The following FADS3 variants were observed in gnomAD, a reference collection of about 807,000 sequenced individuals.
FADS3 encodes fatty acid desaturase 3.
Under a neutral mutation model 60.4 loss-of-function variants are expected in FADS3, and 30 were observed. The observed-to-expected ratio is 0.50, with a 90% CI of 0.37 to 0.67. FADS3 has a LOEUF of 0.67. Ranked by LOEUF, FADS3 falls within the 30% of genes least tolerant of loss-of-function variation. FADS3 has a pLI of 0.00. For synonymous variants in FADS3, 234 were observed against 249.3 expected (o/e 0.94, Z 0.58); for missense variants, 432 against 598.3 (o/e 0.72, Z 2.90).
chr11:61,891,786 C>T (rs1938530772), upstream of FADS3: 2 of 152,430 alleles, frequency 1.3e-5, no homozygotes, highest in Non-Finnish European at 2.9e-5. Context: ...CGTCCCGCCC[C>T]CTTTTCCCGG....
Position 61,878,642 on chromosome 11 carries a change from G to A in FADS3, c.625-8C>T. 6.2e-7 allele frequency: 1 copy of A among 1,614,046 alleles called. No individual in the cohort carries two copies. The highest frequency in any genetic ancestry group is 1.1e-5 in the South Asian group (1 of 91,086). ...CCAGTGGGCGGAGAAGCCCTGTGGAGGAGGAGGGGGCTCTCAGGGCAGGCT... is the reference window on the plus strand; with the variant it reads ...CCAGTGGGCGGAGAAGCCCTGTGGAAGAGGAGGGGGCTCTCAGGGCAGGCT... On this transcript the variant is annotated splice_region_variant and splice_polypyrimidine_tract_variant and intron_variant, in intron 4 of 11. Transcript: ENST00000278829.
chr11:61,884,055 A>G (rs919797228), intron 1 of FADS3, among the ~76,000 whole-genome samples: 3 of 152,142 alleles, frequency 2.0e-5, no homozygotes, highest in Non-Finnish European at 2.9e-5. Flanking sequence ...TCAGGCCGAA[A>G]CCTGGAAGCA....
In FADS3 at chr11:61,878,429, A is replaced by G; in HGVS notation, c.747+83T>C. The G allele has an allele frequency of 1.9e-6, 3 of 1,555,454 alleles. No homozygotes were observed. In the African/African-American group the frequency reaches 4.1e-5, roughly 21 times the overall value. ...TGGAGGCCAGATCAGGGGCTAGGTC[A>G]GGGGCAGAGTGGGGACCCAGTGCAT... On this transcript the variant is annotated intron_variant, in intron 5 of 11. Transcript: ENST00000278829.
Position 61,891,391 on chromosome 11 carries a change from A to T in FADS3, c.-10T>A, listed in dbSNP as rs1938508886. 1 of 1,445,696 alleles carries T rather than the reference A, an allele frequency of 6.9e-7. No homozygotes were observed. The highest frequency in any genetic ancestry group is 1.5e-5 in the African/African-American group (1 of 67,486). The allele number at this position is 1,445,696 out of a possible 1,614,324, so 89.6% of individuals were successfully genotyped here. ...CCCCGACGCCGCCCATGCTGCACGC[A>T]CGAGTCCTGGGGATCCCAGGCGGTG... is the stretch of plus-strand genomic sequence containing the variant. On this transcript the variant is annotated 5_prime_UTR_variant, in exon 1 of 12. Coordinates refer to ENST00000278829, the MANE Select transcript of FADS3 (RefSeq NM_021727.5).
intron 5 of FADS3, 38 bp from the exon 6 acceptor site, chr11:61,878,253 C>CA (rs754326244): frequency 1.2e-6 from 2 of 1,603,856 alleles, no homozygotes; most frequent in Non-Finnish European, 1.7e-6. Context: ...AGCAGCTCTC[C>CA]AGGCCACCTC....
chr11:61,891,235 G>A lies in FADS3; in HGVS notation c.147C>T (p.Ser49=). 1 of 1,550,724 alleles carries A rather than the reference G, an allele frequency of 6.4e-7. No individual in the cohort carries two copies. Among genetic ancestry groups the A allele is most frequent in the Non-Finnish European group, 8.7e-7 (1 of 1,149,346 alleles). The change falls in exon 1 of 12, where the codon AGC becomes AGT. Residue 49 remains serine (S), a synonymous_variant. Transcript: ENST00000278829. The part of the protein sequence containing the change: ...LVIERRVYDI[S]RWAQRHPGGS... Reference sequence around the variant, plus strand: ...CCCCTGGGTGCCGCTGTGCCCAGCGGCTGATGTCGTAGACGCGGCGCTCGA... The same window carrying A: ...CCCCTGGGTGCCGCTGTGCCCAGCGACTGATGTCGTAGACGCGGCGCTCGA...
intron 5 of FADS3, 59 bp downstream of exon 5, chr11:61,878,453 A>G (rs1460469033): frequency 6.9e-6 from 11 of 1,589,364 alleles, no homozygotes; most frequent in Non-Finnish European, 8.6e-6. Context: ...GACCCAGTGC[A>G]TTAGCTCCCC....
chr11:61,883,940 G>C (rs1214367806), intron 1 of FADS3, among the ~76,000 whole-genome samples: 1 of 152,254 alleles, frequency 6.6e-6, no homozygotes, highest in East Asian at 1.9e-4. Flanking sequence ...AGGTGGGGCT[G>C]TGACAGTTCC....
At chr11:61,880,841 C>G (rs1159910590) in intron 1 of FADS3, 1 of 152,066 alleles carries the variant, frequency 6.6e-6, no homozygotes, top group Non-Finnish European at 1.5e-5. Context: ...CCTCTACCTC[C>G]TGGGTTCAAG....
chr11:61,875,388 T>G lies in FADS3; in HGVS notation c.1286+463A>C, dbSNP rs1405442228. ...CACCCAGCTAATTTTTGTTTTTTTT[T>G]TTTTTTTTTTTTTTTTTTTTTTTTA... is the stretch of plus-strand genomic sequence containing the variant. On this transcript the variant is annotated intron_variant, in intron 11 of 11. Transcript: ENST00000278829. Among the ~76,000 whole-genome samples the G allele has an allele frequency of 1.0e-2, 276 of 27,672 alleles. 20 individuals carry two copies. The highest frequency in any genetic ancestry group is 0.036 in the Middle Eastern group (2 of 56). 18.2% of individuals were successfully genotyped at this position (27,672 alleles called of 152,430 possible).
Position 61,877,259 on chromosome 11 carries a change from G to A in FADS3, c.885+252C>T. Reference sequence around the variant, plus strand: ...TCAGCCCAGCAACTCCTCCTGGGAAGACACCCTCACCGAGAGAGACCCACA... The same window carrying A: ...TCAGCCCAGCAACTCCTCCTGGGAAAACACCCTCACCGAGAGAGACCCACA... On this transcript the variant is annotated intron_variant, in intron 7 of 11. Coordinates refer to ENST00000278829, the MANE Select transcript of FADS3 (RefSeq NM_021727.5). This position sits in a 1 kb window ranked among gnomAD's most constrained non-coding sequence, Gnocchi z 4.7. 1 of 509,228 alleles carries A rather than the reference G, an allele frequency of 2.0e-6. No homozygotes were observed. Among genetic ancestry groups the A allele is most frequent in the South Asian group, 2.1e-5 (1 of 46,870 alleles). The allele number at this position is 509,228 out of a possible 1,614,324, so 31.5% of individuals were successfully genotyped here. A position where few individuals can be genotyped will look rare whatever the true frequency, so the allele number is the denominator to read the frequency against.
At chr11:61,891,072 A>T in intron 1 of FADS3, 97 bp downstream of exon 1, 1 of 1,044,978 alleles carries the variant, frequency 9.6e-7, no homozygotes, top group Non-Finnish European at 1.4e-6. Context: ...GAGGGGAGGG[A>T]GGATGCTAAG....
In FADS3 at chr11:61,878,168, C is replaced by T. The variant is rs1180089521; in HGVS notation, c.795G>A (p.Leu265=). The T allele has an allele frequency of 1.9e-6, 3 of 1,614,130 alleles. No homozygotes were observed. Among genetic ancestry groups the T allele is most frequent in the East Asian group, 2.2e-5 (1 of 44,880 alleles). ...RRYLPYNQQH[L]YFFLIGPPLL... ...ATGGACACTCACTCAGGAAGAAGTA[C>T]AGGTGCTGCTGGTTGTAGGGTAGGT... Residue 265 remains leucine (L), a synonymous_variant, in exon 6 of 12, where the codon CTG becomes CTA. Coordinates refer to ENST00000278829, the MANE Select transcript of FADS3 (RefSeq NM_021727.5).
In FADS3 at chr11:61,891,424, T is replaced by C. The variant is rs1456782539; in HGVS notation, c.-43A>G. 6.6e-6 allele frequency: 9 copies of C among 1,354,498 alleles called. No homozygotes were observed. The highest frequency in any genetic ancestry group is 3.3e-5 in the South Asian group (2 of 60,936). The allele number at this position is 1,354,498 out of a possible 1,614,324, so 83.9% of individuals were successfully genotyped here. A position where few individuals can be genotyped will look rare whatever the true frequency, so the allele number is the denominator to read the frequency against. ...TGGGGATCCCAGGCGGTGGCCGAGG[T>C]CCGAGCAAGACCCCGAGGGAAGCGA... On this transcript the variant is annotated 5_prime_UTR_variant, in exon 1 of 12. Transcript: ENST00000278829.
At position 61,876,225 on chromosome 11, in the gene FADS3, C is replaced by G; in HGVS notation, c.1081-35G>C. The G allele has an allele frequency of 6.3e-7, 1 of 1,581,144 alleles. No individual in the cohort carries two copies. The highest frequency in any genetic ancestry group is 8.6e-7 in the Non-Finnish European group (1 of 1,163,890). Reference sequence around the variant, plus strand: ...GCCGGCGGGGCACATGTGAGGAGGCCGTTGCAGATCCCTGACCCCACGGCA... The same window carrying G: ...GCCGGCGGGGCACATGTGAGGAGGCGGTTGCAGATCCCTGACCCCACGGCA... On this transcript the variant is annotated intron_variant, in intron 9 of 11. Coordinates refer to ENST00000278829, the MANE Select transcript of FADS3 (RefSeq NM_021727.5). This position sits in a 1 kb window ranked among gnomAD's most constrained non-coding sequence, Gnocchi z 5.7.
At position 61,880,176 on chromosome 11, in the gene FADS3, G is replaced by A. The variant is rs370845711; in HGVS notation, c.214-25C>T. The A allele has an allele frequency of 6.4e-5, 102 of 1,592,058 alleles. 1 individual carries two copies. The African/African-American group carries it at 7.5e-4, about 12-fold the overall frequency. ...CCTGAAGGAGAGCAGACAGTCAGGC[G>A]GACAGACAGACACAGCTGAGTAGCA... On this transcript the variant is annotated intron_variant, in intron 1 of 11. Transcript: ENST00000278829.
chr11:61,879,558 C>T (rs1433009909), intron 2 of FADS3, 49 bp from the exon 3 acceptor site: 2 of 1,520,308 alleles, frequency 1.3e-6, no homozygotes, highest in East Asian at 2.4e-5. Flanking sequence ...TCCTCCCCAC[C>T]CCCATTCTCC....
intron 3 of FADS3, 45 bp downstream of exon 3, chr11:61,879,267 G>T (rs552253819): frequency 6.7e-7 from 1 of 1,500,972 alleles, no homozygotes; most frequent in Non-Finnish European, 9.1e-7. Context: ...GGGGGCCCAC[G>T]TCTGTTGGGC....
chr11:61,879,630 T>C (rs1938050066), intron 2 of FADS3, 121 bp from the exon 3 acceptor site: 1 of 973,824 alleles, frequency 1.0e-6, no homozygotes. Context: ...AGGAATGAAG[T>C]GACAAGAGTA....
Sources: gnomAD v4.1 joint callset for allele counts (sites outside exome capture counted in the v4.1 genomes callset) on GRCh38, gnomAD v4.1.1 for gene constraint, Gnocchi (gnomAD v3.1) non-coding constraint, MANE v1.5 for transcripts, NCBI Gene and HGNC (gene_info 2026-07-23, HGNC 2026-07-21) for gene names.